The following CRIM1 variants were observed in gnomAD, a reference collection of about 807,000 sequenced individuals.
The protein encoded by CRIM1 is cysteine rich transmembrane BMP regulator 1.
A neutral mutation model predicts 116.4 loss-of-function variants in CRIM1; 32 were observed. That is an observed-to-expected ratio of 0.27 (90% confidence interval 0.21 to 0.37). The LOEUF (loss-of-function observed/expected upper bound fraction) is 0.37. Ranked by LOEUF, CRIM1 falls within the 10% of genes least tolerant of loss-of-function variation. The pLI is 1.00. For synonymous variants in CRIM1, 590 were observed against 509.2 expected, an observed-to-expected ratio of 1.16 and a Z score of -2.13; for missense variants, 1,331 against 1,354.8, an observed-to-expected ratio of 0.98 and a Z score of 0.28.
At chr2:36,427,486 A>G (rs1039385376) in intron 2 of CRIM1, among the ~76,000 whole-genome samples, 2 of 152,206 alleles carry the variant, frequency 1.3e-5, no homozygotes, top group African/African-American at 4.8e-5. Flanking sequence ...TTGTAGACAG[A>G]AAGCTTTCAG....
intron 4 of CRIM1, among the ~76,000 whole-genome samples, chr2:36,461,410 T>G (rs1025154387): frequency 6.6e-6 from 1 of 152,062 alleles, no homozygotes; most frequent in African/African-American, 2.4e-5. Context: ...AGAGAAAGAA[T>G]GTGGTGAGGA....
chr2:36,461,600 C>T (rs931272296), intron 4 of CRIM1, among the ~76,000 whole-genome samples: 1 of 152,156 alleles, frequency 6.6e-6, no homozygotes, highest in Non-Finnish European at 1.5e-5. Context: ...AAGAATACCT[C>T]CTGCAGTGTG....
chr2:36,499,409 T>G, intron 8 of CRIM1, 62 bp downstream of exon 8: 1 of 1,511,938 alleles, frequency 6.6e-7, no homozygotes, highest in Middle Eastern at 1.7e-4. Flanking sequence ...CAAAGCATAT[T>G]ATGTAATTGA....
chr2:36,388,314 G>C (rs1482772867), intron 1 of CRIM1, among the ~76,000 whole-genome samples: 2 of 152,114 alleles, frequency 1.3e-5, no homozygotes, highest in Admixed American at 1.3e-4. Flanking sequence ...CCTTTGGCTT[G>C]CCTTACTCTA....
At chr2:36,440,208 C>A (rs777424732) in intron 2 of CRIM1, among the ~76,000 whole-genome samples, 32 of 152,190 alleles carry the variant, frequency 2.1e-4, no homozygotes, top group Non-Finnish European at 4.4e-4. Context: ...GGGCCTCAGA[C>A]GTTCTTTATC....
Position 36,396,611 on chromosome 2 carries a change from C to A in CRIM1, c.332-3C>A. On this transcript the variant is annotated splice_polypyrimidine_tract_variant and splice_region_variant and intron_variant, in intron 1 of 16. Transcript: ENST00000280527. Reference sequence around the variant, plus strand: ...CATTATCTGGTTGTTAATTGTTTTACAGATGAGAACTGGACTGATGACCAA... The same window carrying A: ...CATTATCTGGTTGTTAATTGTTTTAAAGATGAGAACTGGACTGATGACCAA... The A allele has an allele frequency of 6.5e-7, 1 of 1,545,572 alleles. No individual in the cohort carries two copies. The highest frequency in any genetic ancestry group is 8.8e-7 in the Non-Finnish European group (1 of 1,134,592).
chr2:36,480,785 G>A (rs965093328), intron 7 of CRIM1, among the ~76,000 whole-genome samples: 1 of 152,122 alleles, frequency 6.6e-6, no homozygotes, highest in Non-Finnish European at 1.5e-5. Flanking sequence ...GAGTGCAGCT[G>A]CCACACTCCA....
At chr2:36,404,880 A>G (rs1672671688) in intron 2 of CRIM1, among the ~76,000 whole-genome samples, 1 of 152,158 alleles carries the variant, frequency 6.6e-6, no homozygotes, top group South Asian at 2.1e-4. Context: ...AGTGCTACCT[A>G]AGGAAATGGT....
intron 1 of CRIM1, among the ~76,000 whole-genome samples, chr2:36,387,825 G>T (rs1369678667): frequency 6.6e-6 from 1 of 152,146 alleles, no homozygotes; most frequent in African/African-American, 2.4e-5. Context: ...TCTTTCTCAA[G>T]AACCAGTTTT....
At chr2:36,430,249 T>TG (rs1674779673) in intron 2 of CRIM1, among the ~76,000 whole-genome samples, 1 of 152,204 alleles carries the variant, frequency 6.6e-6, no homozygotes, top group Non-Finnish European at 1.5e-5. Flanking sequence ...CCCTGGAAGA[T>TG]GGCTTTGAGC....
chr2:36,401,917 G>T (rs1176017643), intron 2 of CRIM1, among the ~76,000 whole-genome samples: 2 of 152,166 alleles, frequency 1.3e-5, no homozygotes, highest in Non-Finnish European at 2.9e-5. Flanking sequence ...ACTCCAAAGG[G>T]GGACTTGGAC....
intron 1 of CRIM1, among the ~76,000 whole-genome samples, chr2:36,359,267 C>T (rs1332400012): frequency 6.6e-6 from 1 of 152,188 alleles, no homozygotes; most frequent in African/African-American, 2.4e-5. Flanking sequence ...ATTTAATTGG[C>T]TACGTTGTAA....
intron 5 of CRIM1, among the ~76,000 whole-genome samples, chr2:36,476,501 A>G (rs1289253697): frequency 1.3e-5 from 2 of 152,212 alleles, no homozygotes; most frequent in African/African-American, 4.8e-5. Context: ...TTTTTGAAGC[A>G]GAACAAAACC....
chr2:36,404,643 A>G (rs1047424734), intron 2 of CRIM1, among the ~76,000 whole-genome samples: 1 of 152,236 alleles, frequency 6.6e-6, no homozygotes, highest in Non-Finnish European at 1.5e-5. Flanking sequence ...ACTATTTTCT[A>G]AATGACCTAA....
chr2:36,484,721 G>A (rs1453541757), intron 7 of CRIM1, among the ~76,000 whole-genome samples: 2 of 152,176 alleles, frequency 1.3e-5, no homozygotes, highest in South Asian at 2.1e-4. Flanking sequence ...TCTCCTGCAC[G>A]GAGGAGCTGA....
At chr2:36,483,191 AT>A (rs1345395995) in intron 7 of CRIM1, among the ~76,000 whole-genome samples, 2 of 151,944 alleles carry the variant, frequency 1.3e-5, no homozygotes, top group Non-Finnish European at 2.9e-5. Flanking sequence ...CATTATTTTT[AT>A]TTTCTGACCC....
Position 36,550,615 on chromosome 2 carries a change from T to C in CRIM1, c.*1914T>C, listed in dbSNP as rs2125209801. The C allele has an allele frequency of 6.6e-6, 1 of 152,304 alleles. No individual in the cohort carries two copies. The highest frequency in any genetic ancestry group is 1.5e-5 in the Non-Finnish European group (1 of 67,938). 9.4% of individuals were successfully genotyped at this position (152,304 alleles called of 1,614,324 possible). On this transcript the variant is annotated 3_prime_UTR_variant, in exon 17 of 17. Coordinates refer to ENST00000280527, the MANE Select transcript of CRIM1 (RefSeq NM_016441.3). ...TTAACCATTTTTTTGTCTTAGAATA[T>C]CAAAAAGAAAAAGAAAAAGGTGTTC... is the stretch of plus-strand genomic sequence containing the variant.
chr2:36,521,977 G>T (rs892944577), intron 12 of CRIM1, 115 bp from the exon 13 acceptor site: 1 of 772,324 alleles, frequency 1.3e-6, no homozygotes. Context: ...ACTGCGTCAT[G>T]TATTTAAGGA....
chr2:36,488,581 A>T (rs1170285375), intron 7 of CRIM1, among the ~76,000 whole-genome samples: 1 of 152,188 alleles, frequency 6.6e-6, no homozygotes, highest in Non-Finnish European at 1.5e-5. Context: ...TTTGTTTTAT[A>T]AATATTTTGA....
Sources: gnomAD v4.1 joint callset for allele counts (sites outside exome capture counted in the v4.1 genomes callset) on GRCh38, gnomAD v4.1.1 for gene constraint, MANE v1.5 for transcripts, NCBI Gene and HGNC (gene_info 2026-07-23, HGNC 2026-07-21) for gene names.